The following CAMTA1 variants were observed in gnomAD, a reference collection of about 807,000 sequenced individuals.
CAMTA1 encodes the protein calmodulin binding transcription activator 1, also known as calmodulin-binding transcription activator 1.
In CAMTA1, 27 loss-of-function variants were observed where a neutral mutation model predicts 170.9. The ratio of observed to expected loss-of-function variants is 0.16; its 90% CI spans 0.12 to 0.22. CAMTA1 has a LOEUF of 0.22. Ranked by LOEUF, CAMTA1 falls within the 10% of genes least tolerant of loss-of-function variation. The pLI is 1.00. For synonymous variants in CAMTA1, 833 were observed against 891.5 expected (o/e 0.93, Z 1.17); for missense variants, 1,619 against 2,217.2 (o/e 0.73, Z 5.42).
At chr1:7,643,320 TC>T (rs1352915389) in intron 7 of CAMTA1, among the ~76,000 whole-genome samples, 6 of 152,106 alleles carry the variant, frequency 3.9e-5, no homozygotes, top group Admixed American at 1.3e-4. Context: ...GCAGCCCCAA[TC>T]CCCTGGGCCC....
intron 5 of CAMTA1, among the ~76,000 whole-genome samples, chr1:7,312,654 C>G (rs796987349): frequency 1.3e-5 from 2 of 152,218 alleles, no homozygotes; most frequent in South Asian, 4.1e-4. Context: ...TACTTTTGCT[C>G]ACTTTCCAGG....
intron 3 of CAMTA1, among the ~76,000 whole-genome samples, chr1:7,037,759 A>G (rs1703826460): frequency 6.6e-6 from 1 of 150,940 alleles, no homozygotes; most frequent in Non-Finnish European, 1.5e-5. Context: ...AATGGCATGA[A>G]CCCGGGAGGC....
Position 7,035,090 on chromosome 1 carries a change from C to T in CAMTA1, c.235-56214C>T, listed in dbSNP as rs981451925. ...GGTAAAGACCACAGTTACTTTTGCACCAACCTAAAGAATAAAAGCTGTCAT... is the reference window on the plus strand; with the variant it reads ...GGTAAAGACCACAGTTACTTTTGCATCAACCTAAAGAATAAAAGCTGTCAT... On this transcript the variant is annotated intron_variant, in intron 3 of 22. Transcript: ENST00000303635. Among the ~76,000 whole-genome samples the T allele has an allele frequency of 2.6e-5, 4 of 152,220 alleles. No individual in the cohort carries two copies. The East Asian group carries it at 7.7e-4, about 29-fold the overall frequency.
intron 11 of CAMTA1, among the ~76,000 whole-genome samples, chr1:7,727,473 T>G (rs1246386889): frequency 1.3e-5 from 2 of 152,212 alleles, no homozygotes; most frequent in African/African-American, 4.8e-5. Flanking sequence ...GCAGAAATTA[T>G]CTGTTGGTCG....
At chr1:7,428,043 G>A (rs1231599959) in intron 5 of CAMTA1, among the ~76,000 whole-genome samples, 4 of 152,128 alleles carry the variant, frequency 2.6e-5, no homozygotes, top group South Asian at 2.1e-4. Flanking sequence ...CACTGGAGTC[G>A]GCGTCCGTGG....
At chr1:7,619,813 C>A (rs1219619630) in intron 6 of CAMTA1, among the ~76,000 whole-genome samples, 1 of 152,104 alleles carries the variant, frequency 6.6e-6, no homozygotes, top group African/African-American at 2.4e-5. Flanking sequence ...CCACACCCAA[C>A]TAATTTTTGT....
intron 1 of CAMTA1, among the ~76,000 whole-genome samples, chr1:6,792,321 G>A (rs1173557608): frequency 6.6e-6 from 1 of 151,416 alleles, no homozygotes; most frequent in Non-Finnish European, 1.5e-5. Context: ...AAAGTAAAGG[G>A]TGAGTAAAGG....
intron 6 of CAMTA1, among the ~76,000 whole-genome samples, chr1:7,492,595 G>A (rs941766634): frequency 9.9e-5 from 13 of 130,910 alleles, no homozygotes; most frequent in African/African-American, 2.6e-4. Context: ...ATACACACAC[G>A]CGTGCACACA....
chr1:6,829,005 T>G (rs1648552482), intron 3 of CAMTA1, among the ~76,000 whole-genome samples: 1 of 151,628 alleles, frequency 6.6e-6, no homozygotes, highest in Non-Finnish European at 1.5e-5. Flanking sequence ...CAAGTGATTC[T>G]TGTGCTTTAG....
chr1:7,725,512 G>A (rs988951745), intron 11 of CAMTA1, among the ~76,000 whole-genome samples: 4 of 152,200 alleles, frequency 2.6e-5, no homozygotes, highest in African/African-American at 4.8e-5. Context: ...GCTCTGGCAT[G>A]GTTCACATGA....
At position 7,748,150 on chromosome 1, in the gene CAMTA1, G is replaced by T. The variant is rs2096870473; in HGVS notation, c.4689+369G>T. On this transcript the variant is annotated intron_variant, in intron 19 of 22. Transcript: ENST00000303635. This position sits in a 1 kb window ranked among gnomAD's most constrained non-coding sequence, Gnocchi z 4.7. ...TGGTCTTGAACTCCTGACCTCAAGT[G>T]ATCTGCCCGCCTTGGCCTCCCAAAG... Among the ~76,000 whole-genome samples the T allele has an allele frequency of 6.6e-6, 1 of 151,956 alleles. No homozygotes were observed.
chr1:7,133,777 C>G (rs1261638702), intron 4 of CAMTA1, among the ~76,000 whole-genome samples: 1 of 152,212 alleles, frequency 6.6e-6, no homozygotes, highest in African/African-American at 2.4e-5. Context: ...GAGGTTACTA[C>G]TCCCATGTGG....
chr1:7,729,114 C>CTTTTTTTTTTTTTT (rs146252158), intron 11 of CAMTA1, among the ~76,000 whole-genome samples: 3 of 142,280 alleles, frequency 2.1e-5, no homozygotes, highest in Non-Finnish European at 1.5e-5. Flanking sequence ...TATGAGGAAT[C>CTTTTTTTTTTTTTT]TTTTTTTTTC....
chr1:6,890,221 A>G (rs1674214448), intron 3 of CAMTA1, among the ~76,000 whole-genome samples: 1 of 152,164 alleles, frequency 6.6e-6, no homozygotes, highest in Admixed American at 6.5e-5. Context: ...CCATTAAGCC[A>G]TGGCCCTGGC....
intron 3 of CAMTA1, among the ~76,000 whole-genome samples, chr1:6,978,763 G>C (rs1693923060): frequency 6.6e-6 from 1 of 151,944 alleles, no homozygotes. Context: ...TTTTAGACAG[G>C]ATGGATGTAT....
intron 3 of CAMTA1, among the ~76,000 whole-genome samples, chr1:6,899,554 G>GCACACACA (rs70984034): frequency 0.037 from 5,153 of 141,104 alleles, 117 homozygotes; most frequent in Non-Finnish European, 0.046. Flanking sequence ...ACGCGCGCGC[G>GCACACACA]CACACACACA....
At chr1:7,535,121 G>A (rs1369362043) in intron 6 of CAMTA1, among the ~76,000 whole-genome samples, 1 of 152,148 alleles carries the variant, frequency 6.6e-6, no homozygotes, top group African/African-American at 2.4e-5. Context: ...AGGCCGGCAG[G>A]TCCATGCCAG....
intron 3 of CAMTA1, among the ~76,000 whole-genome samples, chr1:6,960,689 G>A (rs68129642): frequency 0.038 from 5,820 of 152,268 alleles, 124 homozygotes; most frequent in African/African-American, 0.057. Flanking sequence ...GCTAGACAGC[G>A]ACTTCTCGAG....
chr1:7,424,969 G>A (rs1380518672), intron 5 of CAMTA1, among the ~76,000 whole-genome samples: 1 of 152,162 alleles, frequency 6.6e-6, no homozygotes, highest in African/African-American at 2.4e-5. Context: ...GAGGGAGGGA[G>A]GCAGGATGGA....
Sources: gnomAD v4.1 joint callset for allele counts (sites outside exome capture counted in the v4.1 genomes callset) on GRCh38, gnomAD v4.1.1 for gene constraint, Gnocchi (gnomAD v3.1) non-coding constraint, MANE v1.5 for transcripts, NCBI Gene and HGNC (gene_info 2026-07-23, HGNC 2026-07-21) for gene names.